TMEM229B: variants seen among roughly 807,000 people sequenced by gnomAD.
The protein encoded by TMEM229B is chromosome 14 open reading frame 83.
A neutral mutation model predicts 13.7 loss-of-function variants in TMEM229B; 6 were observed. That is an observed-to-expected ratio of 0.44 (90% CI 0.24 to 0.86). The LOEUF (loss-of-function observed/expected upper bound fraction) is 0.86, where lower values mean the gene tolerates loss of function less well. Among genes scored for constraint, TMEM229B ranks in the 40% least tolerant of loss-of-function variants. The pLI is 0.23. For synonymous variants in TMEM229B, 107 were observed against 102.1 expected, an observed-to-expected ratio of 1.05 and a Z score of -0.29; for missense variants, 170 against 236.0, an observed-to-expected ratio of 0.72 and a Z score of 1.83.
At chr14:67,515,825 A>T (rs933110448), upstream of TMEM229B, among the ~76,000 whole-genome samples, 3 of 550 alleles carry the variant, frequency 5.5e-3, no homozygotes, top group African/African-American at 0.025. Flanking sequence ...ACTATGTGCC[A>T]GCACTGTGGA....
In TMEM229B at chr14:67,473,912, G is replaced by C. The variant is rs535835468; in HGVS notation, c.12C>G (p.Ala4=). Residue 4 remains alanine (A), a synonymous_variant, in exon 3 of 3, where the codon GCC becomes GCG. Transcript: ENST00000554480. The surrounding 1 kb of genome is among the most constrained non-coding windows in gnomAD (Gnocchi z 6.5). The part of the protein sequence containing the change: MAS[A]EPLTALSRWY... Reference sequence around the variant, plus strand: ...AGCGGGACAGCGCCGTCAGGGGCTCGGCAGACGCCATGGCGCCGACTGGGG... The same window carrying C: ...AGCGGGACAGCGCCGTCAGGGGCTCCGCAGACGCCATGGCGCCGACTGGGG... 3.7e-6 allele frequency: 6 copies of C among 1,603,498 alleles called. No homozygotes were observed. The highest frequency in any genetic ancestry group is 5.1e-6 in the Non-Finnish European group (6 of 1,175,454).
At chr14:67,506,712 G>A (rs185672532) in intron 1 of TMEM229B, among the ~76,000 whole-genome samples, 6 of 152,308 alleles carry the variant, frequency 3.9e-5, no homozygotes, top group South Asian at 4.2e-4. Context: ...TGGGCCAGGA[G>A]TGGTGGCTCA....
At chr14:67,531,487 G>C (rs4902479) in intron 1 of TMEM229B, among the ~76,000 whole-genome samples, 92,187 of 151,808 alleles carry the variant, frequency 0.61, 28,426 homozygotes, top group Non-Finnish European at 0.66. Flanking sequence ...CTCATTGAAA[G>C]TAACAACTGA....
intron 1 of TMEM229B, among the ~76,000 whole-genome samples, chr14:67,504,409 TTA>T (rs1269979794): frequency 1.3e-5 from 2 of 152,204 alleles, no homozygotes; most frequent in South Asian, 4.1e-4. Flanking sequence ...CAACCTGGCA[TTA>T]TAAGCTACCA....
At chr14:67,533,228 T>A (rs1478512135) in intron 1 of TMEM229B, 2 of 150,586 alleles carry the variant, frequency 1.3e-5, no homozygotes, top group East Asian at 4.0e-4. Flanking sequence ...CGGGCACCCC[T>A]CCCGCTCCAG....
intron 1 of TMEM229B, among the ~76,000 whole-genome samples, chr14:67,498,304 G>C (rs1370727569): frequency 6.6e-6 from 1 of 152,090 alleles, no homozygotes; most frequent in Non-Finnish European, 1.5e-5. Flanking sequence ...ATCACTCTGT[G>C]GTTCTCCCTG....
intron 1 of TMEM229B, among the ~76,000 whole-genome samples, chr14:67,508,135 C>CAAAAAAAAAAAAAAAAAAAAAAAAAA (rs34715322): frequency 7.7e-6 from 1 of 130,622 alleles, no homozygotes; most frequent in African/African-American, 3.0e-5. Flanking sequence ...AACTCCATCT[C>CAAAAAAAAAAAAAAAAAAAAAAAAAA]AAAAAAAAAA....
intron 1 of TMEM229B, among the ~76,000 whole-genome samples, chr14:67,526,974 A>G (rs1267230411): frequency 6.6e-6 from 1 of 152,200 alleles, no homozygotes; most frequent in Non-Finnish European, 1.5e-5. Context: ...TAATAGACCT[A>G]TTGGTTCAGG....
chr14:67,500,131 T>C (rs2032544733), intron 1 of TMEM229B, among the ~76,000 whole-genome samples: 1 of 152,090 alleles, frequency 6.6e-6, no homozygotes, highest in African/African-American at 2.4e-5. Flanking sequence ...ACCACTGCAC[T>C]CCAGCCTGGG....
upstream of TMEM229B, among the ~76,000 whole-genome samples, chr14:67,491,335 C>G (rs2032159763): frequency 6.6e-6 from 1 of 152,128 alleles, no homozygotes; most frequent in Non-Finnish European, 1.5e-5. Context: ...AGCTTGATCT[C>G]CACCCTCCCA....
At chr14:67,524,152 A>G (rs2033332517) in intron 1 of TMEM229B, among the ~76,000 whole-genome samples, 2 of 152,118 alleles carry the variant, frequency 1.3e-5, no homozygotes, top group Non-Finnish European at 2.9e-5. Context: ...TATTTTTTTA[A>G]TAAGTGAAAT....
chr14:67,499,513 G>A (rs908988719), intron 1 of TMEM229B, among the ~76,000 whole-genome samples: 12 of 152,204 alleles, frequency 7.9e-5, no homozygotes, highest in African/African-American at 2.9e-4. Context: ...ATGTTTCAAT[G>A]TCTGGAGGCA....
At chr14:67,526,248 T>C (rs1195348960) in intron 1 of TMEM229B, among the ~76,000 whole-genome samples, 1 of 152,254 alleles carries the variant, frequency 6.6e-6, no homozygotes, top group Non-Finnish European at 1.5e-5. Context: ...GTCGGTCTAG[T>C]GCCAGCTCTG....
chr14:67,514,108 C>T (rs1366133332), intron 1 of TMEM229B, among the ~76,000 whole-genome samples: 2 of 151,986 alleles, frequency 1.3e-5, no homozygotes, highest in Non-Finnish European at 2.9e-5. Flanking sequence ...GAGCAGAGCC[C>T]CCAAGGTTAC....
At chr14:67,491,612 A>G (rs1342103216), upstream of TMEM229B, among the ~76,000 whole-genome samples, 1 of 152,128 alleles carries the variant, frequency 6.6e-6, no homozygotes, top group Non-Finnish European at 1.5e-5. Flanking sequence ...TTCTTATTAC[A>G]CCGCACCCTG....
At chr14:67,477,038 C>A (rs780465761) in intron 2 of TMEM229B, among the ~76,000 whole-genome samples, 2 of 152,060 alleles carry the variant, frequency 1.3e-5, no homozygotes, top group Non-Finnish European at 2.9e-5. Flanking sequence ...TGGTGGCATG[C>A]GCCTATAATC....
At chr14:67,507,526 G>T (rs1012463110) in intron 1 of TMEM229B, among the ~76,000 whole-genome samples, 2 of 151,994 alleles carry the variant, frequency 1.3e-5, no homozygotes, top group Non-Finnish European at 2.9e-5. Flanking sequence ...ACAGCTCATT[G>T]CAGCCTCGAC....
At chr14:67,504,597 A>T (rs2032748057) in intron 1 of TMEM229B, among the ~76,000 whole-genome samples, 1 of 152,186 alleles carries the variant, frequency 6.6e-6, no homozygotes, top group South Asian at 2.1e-4. Context: ...AATAAATAAA[A>T]AACAATAGGC....
In TMEM229B at chr14:67,471,517, A is replaced by T. The variant is rs1594668885; in HGVS notation, c.*1903T>A. 2.6e-5 allele frequency: 4 copies of T among 152,322 alleles called. No homozygotes were observed. Among genetic ancestry groups the T allele is most frequent in the Admixed American group, 2.6e-4 (4 of 15,296 alleles). The allele number at this position is 152,322 out of a possible 1,614,324, so 9.4% of individuals were successfully genotyped here. On this transcript the variant is annotated 3_prime_UTR_variant, in exon 3 of 3. Coordinates refer to ENST00000554480, the MANE Select transcript of TMEM229B (RefSeq NM_001348543.2). ...TGGAAAACAATCTACTCCCACCGGA[A>T]GCCTGATTCTCTGTAACCCCCAAAG...
Sources: allele counts gnomAD v4.1 joint callset (sites outside exome capture counted in the v4.1 genomes callset), GRCh38; gene constraint gnomAD v4.1.1; non-coding constraint Gnocchi (gnomAD v3.1); transcripts MANE v1.5; gene names NCBI Gene and HGNC (gene_info 2026-07-23, HGNC 2026-07-21).